Variants in TAMM41 observed in about 807,000 individuals in gnomAD.
TAMM41 encodes TAM41 mitochondrial translocator assembly and maintenance homolog.
A neutral mutation model predicts 44.1 loss-of-function variants in TAMM41; 36 were observed. The observed-to-expected ratio is 0.82, with a 90% CI of 0.63 to 1.08. The LOEUF is 1.08. TAMM41 is among the 50% of genes least tolerant of loss of function. TAMM41 has a pLI of 0.00. For missense variants in TAMM41, 417 were observed against 404.3 expected, an observed-to-expected ratio of 1.03 and a Z score of -0.27; for synonymous variants, 164 against 153.1, an observed-to-expected ratio of 1.07 and a Z score of -0.53.
chr3:11,754,859 C>T, the TAMM41 span, among the ~76,000 whole-genome samples: 8 of 151,858 alleles, frequency 5.3e-5, no homozygotes, highest in East Asian at 9.7e-4. Context: ...CCACCATGCC[C>T]GGCTAATTTT....
the TAMM41 span, among the ~76,000 whole-genome samples, chr3:11,751,608 G>A: frequency 6.6e-6 from 1 of 152,290 alleles, no homozygotes; most frequent in Non-Finnish European, 1.5e-5. Flanking sequence ...GCAGAAGACA[G>A]GGCCAACCCT....
intron 4 of TAMM41, 50 bp downstream of exon 4, chr3:11,829,664 C>T (rs1405668319): frequency 2.5e-6 from 4 of 1,602,342 alleles, no homozygotes; most frequent in Middle Eastern, 3.3e-4. Flanking sequence ...CCGCAGTCTT[C>T]AAATATAAAT....
At chr3:11,774,523 G>A in the TAMM41 span, among the ~76,000 whole-genome samples, 8 of 152,190 alleles carry the variant, frequency 5.3e-5, no homozygotes, top group African/African-American at 1.2e-4. Context: ...CCCAGCTGCC[G>A]CCTGCAATCC....
chr3:11,794,570 A>G (rs920710153), intron 7 of TAMM41, among the ~76,000 whole-genome samples: 2 of 152,190 alleles, frequency 1.3e-5, no homozygotes, highest in African/African-American at 4.8e-5. Context: ...ACCTAAAGCT[A>G]GTCATTATGA....
intron 5 of TAMM41, among the ~76,000 whole-genome samples, chr3:11,816,522 T>C (rs1435286484): frequency 6.6e-6 from 1 of 152,150 alleles, no homozygotes; most frequent in Non-Finnish European, 1.5e-5. Context: ...CCAGTACTTT[T>C]GGACGCTGGG....
At chr3:11,835,878 AG>A (rs977393178) in intron 3 of TAMM41, among the ~76,000 whole-genome samples, 15 of 152,274 alleles carry the variant, frequency 9.9e-5, no homozygotes, top group African/African-American at 3.4e-4. Context: ...TCAGTGGTGC[AG>A]GGTCACAACA....
chr3:11,753,858 A>G, the TAMM41 span, among the ~76,000 whole-genome samples: 3 of 152,174 alleles, frequency 2.0e-5, no homozygotes, highest in African/African-American at 7.2e-5. Flanking sequence ...TCTGACGTGA[A>G]GAAGGAAGGG....
chr3:11,780,606 A>G, the TAMM41 span, among the ~76,000 whole-genome samples: 4 of 152,194 alleles, frequency 2.6e-5, no homozygotes, highest in Non-Finnish European at 4.4e-5. Flanking sequence ...CCTGTTACAT[A>G]AGGCTGTGGT....
chr3:11,781,581 G>A, the TAMM41 span, among the ~76,000 whole-genome samples: 1 of 151,776 alleles, frequency 6.6e-6, no homozygotes, highest in Admixed American at 6.6e-5. Flanking sequence ...CTAAAAATAC[G>A]AAAATTAGCC....
chr3:11,767,147 C>A, the TAMM41 span, among the ~76,000 whole-genome samples: 1 of 152,174 alleles, frequency 6.6e-6, no homozygotes, highest in Non-Finnish European at 1.5e-5. Flanking sequence ...CAGCTCACTG[C>A]AACCTCCGCC....
At chr3:11,838,755 G>A (rs1027993031) in intron 3 of TAMM41, among the ~76,000 whole-genome samples, 7 of 152,002 alleles carry the variant, frequency 4.6e-5, no homozygotes, top group African/African-American at 7.3e-5. Flanking sequence ...ATCATTGGCC[G>A]TTGGTGATTG....
the TAMM41 span, among the ~76,000 whole-genome samples, chr3:11,758,613 A>G: frequency 3.3e-5 from 5 of 152,136 alleles, no homozygotes; most frequent in Admixed American, 3.3e-4. Context: ...GGCCTCCCAA[A>G]GTGCTGGGAT....
chr3:11,807,865 A>G lies in TAMM41; in HGVS notation c.905T>C (p.Ile302Thr), dbSNP rs905657498. 1.0e-5 allele frequency: 16 copies of G among 1,534,158 alleles called. No individual in the cohort carries two copies. The highest frequency in any genetic ancestry group is 2.4e-5 in the East Asian group (1 of 40,888). The change falls in exon 7 of 8, where the codon ATA becomes ACA. Residue 302 changes from isoleucine to threonine, a missense_variant. Ile to Thr is a moderately conservative substitution (Grantham distance 89). Transcript: ENST00000455809. ...AAAAATGCCTTTCGTGCTCTGTCTT[A>G]TACTAGACGGTCTCACGATTGCTGA... ...GLSAIVRPSSIRQSTKGIFTA... is the reference protein window; with the variant it reads ...GLSAIVRPSSTRQSTKGIFTA...
the TAMM41 span, among the ~76,000 whole-genome samples, chr3:11,776,523 G>A: frequency 1.7e-4 from 26 of 152,282 alleles, no homozygotes; most frequent in African/African-American, 6.3e-4. Context: ...AACTGCCTCG[G>A]TATTCAGCAC....
At chr3:11,772,629 C>G in the TAMM41 span, among the ~76,000 whole-genome samples, 1 of 152,052 alleles carries the variant, frequency 6.6e-6, no homozygotes, top group South Asian at 2.1e-4. Context: ...CGATTGTGAA[C>G]AGTGCTGTCA....
At chr3:11,775,334 G>A in the TAMM41 span, among the ~76,000 whole-genome samples, 1 of 152,108 alleles carries the variant, frequency 6.6e-6, no homozygotes, top group Non-Finnish European at 1.5e-5. Flanking sequence ...TGGGGCCCTA[G>A]TCCCCCTCTT....
the TAMM41 span, among the ~76,000 whole-genome samples, chr3:11,764,441 A>G: frequency 6.7e-6 from 1 of 150,316 alleles, no homozygotes; most frequent in East Asian, 2.0e-4. Context: ...CACAACCTGA[A>G]GGCCCAGGGT....
the TAMM41 span, among the ~76,000 whole-genome samples, chr3:11,740,410 C>T: frequency 2.6e-3 from 403 of 152,204 alleles, 3 homozygotes; most frequent in African/African-American, 9.2e-3. Context: ...ATGGAAACAT[C>T]TTGCACAACT....
At chr3:11,743,416 C>A in the TAMM41 span, among the ~76,000 whole-genome samples, 1 of 151,890 alleles carries the variant, frequency 6.6e-6, no homozygotes, top group African/African-American at 2.4e-5. Context: ...TCACTACAAC[C>A]TCTGCCTCCA....
Sources: allele counts gnomAD v4.1 joint callset (sites outside exome capture counted in the v4.1 genomes callset), GRCh38; gene constraint gnomAD v4.1.1; transcripts MANE v1.5; gene names NCBI Gene and HGNC (gene_info 2026-07-23, HGNC 2026-07-21).